The following PPM1L variants were observed in gnomAD, a reference collection of about 807,000 sequenced individuals.
PPM1L encodes the protein protein phosphatase 1L.
PPM1L carries 13 observed loss-of-function variants against 31.4 expected under a neutral mutation model. The ratio of observed to expected loss-of-function variants is 0.41; its 90% CI spans 0.27 to 0.66. The LOEUF (loss-of-function observed/expected upper bound fraction) is 0.66. Among genes scored for constraint, PPM1L ranks in the 30% least tolerant of loss-of-function variants. PPM1L has a pLI of 0.29. For missense variants in PPM1L, 326 were observed against 453.7 expected (o/e 0.72, Z 2.56); for synonymous variants, 184 against 175.4 (o/e 1.05, Z -0.39).
chr3:160,913,320 C>G (rs1714037768), intron 1 of PPM1L, among the ~76,000 whole-genome samples: 1 of 151,980 alleles, frequency 6.6e-6, no homozygotes, highest in African/African-American at 2.4e-5. Context: ...GACAGTGAAC[C>G]CTGATGTCAG....
intron 2 of PPM1L, among the ~76,000 whole-genome samples, chr3:160,979,866 T>G (rs1457987099): frequency 6.6e-6 from 1 of 152,056 alleles, no homozygotes; most frequent in Non-Finnish European, 1.5e-5. Flanking sequence ...TTTTCATCCT[T>G]AAGTCATATG....
At chr3:161,065,284 G>C in intron 2 of PPM1L, 119 bp from the exon 3 acceptor site, 1 of 916,794 alleles carries the variant, frequency 1.1e-6, no homozygotes, top group Admixed American at 2.3e-5. Flanking sequence ...AGTGGCTGGA[G>C]TCAAATTCTC....
At chr3:160,876,611 C>T (rs1028265004) in intron 1 of PPM1L, among the ~76,000 whole-genome samples, 2 of 152,206 alleles carry the variant, frequency 1.3e-5, no homozygotes, top group Non-Finnish European at 2.9e-5. Context: ...GTGAGTGGCA[C>T]TACTGAATTC....
At chr3:161,045,491 G>A (rs1405252254) in intron 2 of PPM1L, among the ~76,000 whole-genome samples, 1 of 152,162 alleles carries the variant, frequency 6.6e-6, no homozygotes, top group East Asian at 1.9e-4. Context: ...TCAACTACAT[G>A]GAAACTGAAC....
intron 1 of PPM1L, among the ~76,000 whole-genome samples, chr3:160,799,281 A>T (rs1455286269): frequency 1.3e-5 from 2 of 152,238 alleles, no homozygotes; most frequent in Non-Finnish European, 2.9e-5. Flanking sequence ...AAACAGCATC[A>T]TATGCTACAG....
chr3:160,841,451 C>T (rs1713876922), intron 1 of PPM1L, among the ~76,000 whole-genome samples: 1 of 151,758 alleles, frequency 6.6e-6, no homozygotes, highest in Admixed American at 6.6e-5. Context: ...AGCTACATTT[C>T]TTAATATGAA....
chr3:160,841,901 T>C (rs1327042312), intron 1 of PPM1L, among the ~76,000 whole-genome samples: 1 of 152,222 alleles, frequency 6.6e-6, no homozygotes. Context: ...CTTGTTTAGC[T>C]TCCTTGCATG....
intron 2 of PPM1L, among the ~76,000 whole-genome samples, chr3:161,005,783 T>C (rs1398837925): frequency 1.3e-5 from 2 of 152,166 alleles, no homozygotes; most frequent in South Asian, 2.1e-4. Flanking sequence ...AAAAACAGGA[T>C]AAATAGGATT....
intron 1 of PPM1L, among the ~76,000 whole-genome samples, chr3:160,878,657 C>T (rs1207416515): frequency 6.6e-6 from 1 of 152,190 alleles, no homozygotes; most frequent in Non-Finnish European, 1.5e-5. Flanking sequence ...GCGACACAAA[C>T]ATTCAGTCCA....
chr3:161,034,355 G>A (rs564179622), intron 2 of PPM1L, among the ~76,000 whole-genome samples: 70 of 152,236 alleles, frequency 4.6e-4, no homozygotes, highest in African/African-American at 1.6e-3. Flanking sequence ...TATACTCAAA[G>A]GATCATAAAT....
At chr3:160,776,132 A>C (rs569169046) in intron 1 of PPM1L, among the ~76,000 whole-genome samples, 9 of 152,322 alleles carry the variant, frequency 5.9e-5, no homozygotes, top group Non-Finnish European at 1.2e-4. Flanking sequence ...AAGTTGAAGG[A>C]ATTACATTTT....
At chr3:161,051,946 C>T (rs757063096) in intron 2 of PPM1L, among the ~76,000 whole-genome samples, 7 of 152,040 alleles carry the variant, frequency 4.6e-5, no homozygotes, top group Non-Finnish European at 8.8e-5. Flanking sequence ...TGTTTTTGTC[C>T]GCCTTTTCCC....
intron 2 of PPM1L, among the ~76,000 whole-genome samples, chr3:161,012,793 A>C (rs1717939386): frequency 6.6e-6 from 1 of 152,104 alleles, no homozygotes; most frequent in Non-Finnish European, 1.5e-5. Context: ...TAGATTTTCT[A>C]GTTTATTTGT....
rs545290300 is a variant in PPM1L, at chr3:160,972,262, A to G, written c.574+10352A>G. ...TGTGCACAACGTGCAGGTTTGTTAC[A>G]TATGTATACATGTGCCATGTTGGTG... On this transcript the variant is annotated intron_variant, in intron 2 of 3. Coordinates refer to ENST00000498165, the MANE Select transcript of PPM1L (RefSeq NM_139245.4). Among the ~76,000 whole-genome samples the G allele has an allele frequency of 4.2e-3, 638 of 152,148 alleles. 7 individuals are homozygous for G. Among genetic ancestry groups the G allele is most frequent in the African/African-American group, 0.015 (606 of 41,498 alleles).
intron 1 of PPM1L, among the ~76,000 whole-genome samples, chr3:160,916,133 T>C (rs1488609453): frequency 6.6e-6 from 1 of 152,002 alleles, no homozygotes; most frequent in Non-Finnish European, 1.5e-5. Context: ...ACCTACAGAA[T>C]GGGAGAAAAT....
intron 1 of PPM1L, among the ~76,000 whole-genome samples, chr3:160,792,919 C>T (rs745646447): frequency 6.6e-5 from 10 of 152,186 alleles, no homozygotes; most frequent in Non-Finnish European, 1.2e-4. Context: ...TGATTACCAA[C>T]GAGCACAGCT....
In PPM1L at chr3:161,065,558, A is replaced by G; in HGVS notation, c.730A>G (p.Arg244Gly). 1.2e-6 allele frequency: 2 copies of G among 1,613,202 alleles called. No individual in the cohort carries two copies. Among genetic ancestry groups the G allele is most frequent in the Non-Finnish European group, 1.7e-6 (2 of 1,179,338 alleles). Residue 244 changes from arginine to glycine, a missense_variant, in exon 3 of 4, where the codon AGA becomes GGA. Around this residue, in one of 3 missense-constraint regions of PPM1L, gnomAD observed 201 missense variants for 298.2 expected, o/e 0.67. Transcript: ENST00000498165. ...GTTGAAGGAAAGAAAGAGGATAAAG[A>G]GAGCAGGTGAGCTTGTGAACACCTC... ...YQLKERKRIK[R>G]AGGFISFNGS...
chr3:160,791,301 T>C (rs1170577678), intron 1 of PPM1L, among the ~76,000 whole-genome samples: 1 of 152,138 alleles, frequency 6.6e-6, no homozygotes, highest in East Asian at 1.9e-4. Flanking sequence ...TTGAACTCCT[T>C]ATTAAACCTT....
chr3:160,765,094 A>G (rs1041800452), intron 1 of PPM1L, among the ~76,000 whole-genome samples: 3 of 152,228 alleles, frequency 2.0e-5, no homozygotes, highest in Non-Finnish European at 4.4e-5. Context: ...AAAGTACTTT[A>G]CATATGTTAT....
Sources: gnomAD v4.1 joint callset for allele counts (sites outside exome capture counted in the v4.1 genomes callset) on GRCh38, gnomAD v4.1.1 for gene constraint, gnomAD v4.1.1 regional missense constraint, MANE v1.5 for transcripts, NCBI Gene and HGNC (gene_info 2026-07-23, HGNC 2026-07-21) for gene names.